The following IMMP2L variants were observed in gnomAD, a reference collection of about 807,000 sequenced individuals.
IMMP2L encodes inner mitochondrial membrane peptidase subunit 2, also known as mitochondrial inner membrane protease subunit 2.
Under a neutral mutation model 19.3 loss-of-function variants are expected in IMMP2L, and 18 were observed. The observed-to-expected ratio is 0.93, with a 90% CI of 0.64 to 1.38. IMMP2L has a LOEUF of 1.38. IMMP2L is among the 40% of genes most tolerant of loss of function. The pLI, the probability that IMMP2L is intolerant of heterozygous loss-of-function variation, is 0.00. For missense variants in IMMP2L, 233 were observed against 218.2 expected, an observed-to-expected ratio of 1.07 and a Z score of -0.43; for synonymous variants, 76 against 73.0, an observed-to-expected ratio of 1.04 and a Z score of -0.21.
intron 5 of IMMP2L, among the ~76,000 whole-genome samples, chr7:110,721,733 T>C (rs898198551): frequency 6.6e-6 from 1 of 152,130 alleles, no homozygotes; most frequent in African/African-American, 2.4e-5. Context: ...AATGACAATG[T>C]TAATTCAACA....
At chr7:110,891,204 T>C (rs1046377324) in intron 4 of IMMP2L, among the ~76,000 whole-genome samples, 6 of 146,270 alleles carry the variant, frequency 4.1e-5, no homozygotes, top group African/African-American at 1.5e-4. Context: ...CAGTTAGAAC[T>C]AGGTCTCTTT....
At chr7:110,684,992 T>C (rs568779045) in intron 5 of IMMP2L, among the ~76,000 whole-genome samples, 36 of 152,246 alleles carry the variant, frequency 2.4e-4, no homozygotes, top group African/African-American at 8.7e-4. Flanking sequence ...CAGTTTGCTT[T>C]TCTACATCTC....
At chr7:111,444,852 T>C (rs1194846438) in intron 3 of IMMP2L, among the ~76,000 whole-genome samples, 3 of 152,072 alleles carry the variant, frequency 2.0e-5, no homozygotes, top group Non-Finnish European at 2.9e-5. Flanking sequence ...CTAATTACAG[T>C]AGGAAGGTCT....
chr7:111,558,758 T>C (rs1791672089), intron 1 of IMMP2L, among the ~76,000 whole-genome samples: 1 of 152,182 alleles, frequency 6.6e-6, no homozygotes, highest in South Asian at 2.1e-4. Flanking sequence ...TAAAAAGCTT[T>C]CCTTAGTACC....
At chr7:111,410,638 G>A (rs1834323698) in intron 3 of IMMP2L, among the ~76,000 whole-genome samples, 1 of 151,344 alleles carries the variant, frequency 6.6e-6, no homozygotes, top group South Asian at 2.1e-4. Flanking sequence ...ACATTAAAAG[G>A]CCTTAAAACA....
At chr7:111,377,096 A>G (rs1187014963) in intron 3 of IMMP2L, among the ~76,000 whole-genome samples, 1 of 151,914 alleles carries the variant, frequency 6.6e-6, no homozygotes, top group Non-Finnish European at 1.5e-5. Context: ...TATGTAATAT[A>G]TATTTGCACA....
intron 3 of IMMP2L, among the ~76,000 whole-genome samples, chr7:111,391,476 G>C (rs1243166059): frequency 1.3e-5 from 2 of 152,116 alleles, no homozygotes; most frequent in Non-Finnish European, 2.9e-5. Flanking sequence ...AAGAAAGTAA[G>C]TACAACGCTT....
chr7:111,549,601 T>C lies in IMMP2L; in HGVS notation c.-3+12250A>G, dbSNP rs371708260. Among the ~76,000 whole-genome samples the C allele has an allele frequency of 5.6e-4, 86 of 152,308 alleles. 2 individuals carry two copies. The highest frequency in any genetic ancestry group is 1.9e-3 in the African/African-American group (79 of 41,566). On this transcript the variant is annotated intron_variant, in intron 1 of 5. Transcript: ENST00000405709. The stretch of plus-strand genomic sequence containing the variant: ...CAAAAAATCTTCTAATATGTTGTCA[T>C]AATCCACATACTCAGACTACAGGAT...
chr7:111,119,707 T>C (rs1800351632), intron 3 of IMMP2L, among the ~76,000 whole-genome samples: 1 of 152,198 alleles, frequency 6.6e-6, no homozygotes, highest in Admixed American at 6.5e-5. Flanking sequence ...AATTCATTTA[T>C]CAGTTCATTC....
Position 111,522,710 on chromosome 7 carries a change from C to T in IMMP2L, c.-2-1261G>A, listed in dbSNP as rs192267483. 2.2e-4 allele frequency among the ~76,000 whole-genome samples: 33 copies of T among 151,944 alleles called. 1 individual carries two copies. The South Asian group carries it at 2.7e-3, about 12-fold the overall frequency. On this transcript the variant is annotated intron_variant, in intron 1 of 5. Coordinates refer to ENST00000405709, the MANE Select transcript of IMMP2L (RefSeq NM_032549.4). Reference sequence around the variant, plus strand: ...GGAATGTAAATTAATATGGCCATTACAGAAAAGAGTATGGAGGTTCCTCAA... The same window carrying T: ...GGAATGTAAATTAATATGGCCATTATAGAAAAGAGTATGGAGGTTCCTCAA...
intron 3 of IMMP2L, among the ~76,000 whole-genome samples, chr7:111,482,106 A>G (rs1361782661): frequency 6.6e-6 from 1 of 152,140 alleles, no homozygotes; most frequent in East Asian, 1.9e-4. Flanking sequence ...AATATATCCA[A>G]ATTATTATGA....
At chr7:110,865,617 G>A (rs772047205) in intron 5 of IMMP2L, among the ~76,000 whole-genome samples, 7 of 151,852 alleles carry the variant, frequency 4.6e-5, no homozygotes, top group Non-Finnish European at 1.0e-4. Context: ...ATACAAATCT[G>A]ACAAGTGACT....
At chr7:111,417,311 G>C (rs1261810706) in intron 3 of IMMP2L, among the ~76,000 whole-genome samples, 2 of 151,806 alleles carry the variant, frequency 1.3e-5, no homozygotes, top group African/African-American at 4.9e-5. Context: ...CCAATCTCCT[G>C]TTGTCGGGTG....
intron 3 of IMMP2L, among the ~76,000 whole-genome samples, chr7:111,430,358 TA>T (rs1407894666): frequency 6.6e-6 from 1 of 151,520 alleles, no homozygotes; most frequent in Non-Finnish European, 1.5e-5. Context: ...TCCTTCCTGG[TA>T]AAAAAATAAA....
chr7:110,972,321 A>G (rs1441281380), intron 3 of IMMP2L, among the ~76,000 whole-genome samples: 1 of 151,984 alleles, frequency 6.6e-6, no homozygotes, highest in Admixed American at 6.6e-5. Flanking sequence ...TATATATTTA[A>G]TTTTCTGCTA....
chr7:111,286,249 C>G (rs1320475722), intron 3 of IMMP2L, among the ~76,000 whole-genome samples: 1 of 152,112 alleles, frequency 6.6e-6, no homozygotes, highest in African/African-American at 2.4e-5. Flanking sequence ...GCAACAGTTG[C>G]TCAGGAGAAG....
chr7:111,451,222 A>C lies in IMMP2L; in HGVS notation c.239+36016T>G, dbSNP rs571696353. ...ATCCCATTACTGGGTATATACCCCCAAATGACTATAAATCATGCTGCTATA... is the reference window on the plus strand; with the variant it reads ...ATCCCATTACTGGGTATATACCCCCCAATGACTATAAATCATGCTGCTATA... On this transcript the variant is annotated intron_variant, in intron 3 of 5. Transcript: ENST00000405709. Among the ~76,000 whole-genome samples, 15 of 145,088 alleles carry C rather than the reference A, an allele frequency of 1.0e-4. 1 individual carries two copies. Among genetic ancestry groups the C allele is most frequent in the African/African-American group, 3.3e-4 (12 of 36,578 alleles).
chr7:111,501,280 A>C (rs1250462327), intron 2 of IMMP2L, among the ~76,000 whole-genome samples: 1 of 152,160 alleles, frequency 6.6e-6, no homozygotes, highest in African/African-American at 2.4e-5. Context: ...AGAAAAAAGA[A>C]TAAAAAGAAA....
intron 5 of IMMP2L, among the ~76,000 whole-genome samples, chr7:110,732,328 G>T (rs563730263): frequency 1.3e-5 from 2 of 152,244 alleles, no homozygotes; most frequent in Admixed American, 1.3e-4. Flanking sequence ...ATAGCTAGCT[G>T]CTTTCAAAGA....
Sources: gnomAD v4.1 joint callset for allele counts (sites outside exome capture counted in the v4.1 genomes callset) on GRCh38, gnomAD v4.1.1 for gene constraint, MANE v1.5 for transcripts, NCBI Gene and HGNC (gene_info 2026-07-23, HGNC 2026-07-21) for gene names.